The following SVEP1 variants were observed in gnomAD, a reference collection of about 807,000 sequenced individuals.
SVEP1 encodes the protein sushi, von Willebrand factor type A, EGF and pentraxin domain-containing protein 1.
In SVEP1, 164 loss-of-function variants were observed where a neutral mutation model predicts 367.3. That is an observed-to-expected ratio of 0.45 (90% CI 0.39 to 0.51). SVEP1 has a LOEUF of 0.51. Ranked by LOEUF, SVEP1 falls within the 20% of genes least tolerant of loss-of-function variation. The pLI is 0.00. For missense variants in SVEP1, 4,117 were observed against 4,425.3 expected (o/e 0.93, Z 1.98); for synonymous variants, 1,666 against 1,611.6 (o/e 1.03, Z -0.81).
At chr9:110,560,181 T>C (rs556218181) in intron 1 of SVEP1, among the ~76,000 whole-genome samples, 66 of 152,314 alleles carry the variant, frequency 4.3e-4, no homozygotes, top group Admixed American at 2.4e-3. Flanking sequence ...ACTGTTACAA[T>C]TGTCCACAGT....
At chr9:110,377,430 G>A in intron 44 of SVEP1, 64 bp from the exon 45 acceptor site, 1 of 1,476,014 alleles carries the variant, frequency 6.8e-7, no homozygotes, top group South Asian at 1.1e-5. Flanking sequence ...TCAGAAAATA[G>A]AATTGCCCCT....
At chr9:110,574,608 T>A (rs1830603126) in intron 1 of SVEP1, among the ~76,000 whole-genome samples, 1 of 152,188 alleles carries the variant, frequency 6.6e-6, no homozygotes, top group South Asian at 2.1e-4. Context: ...TTTCTAAATG[T>A]TGGTCATCTT....
intron 22 of SVEP1, among the ~76,000 whole-genome samples, chr9:110,453,547 A>T (rs1245819307): frequency 6.6e-6 from 1 of 152,120 alleles, no homozygotes; most frequent in Non-Finnish European, 1.5e-5. Context: ...ACTTGCCAGC[A>T]TGTGTTATTT....
At chr9:110,480,088 G>T (rs1829162184) in intron 12 of SVEP1, among the ~76,000 whole-genome samples, 1 of 152,084 alleles carries the variant, frequency 6.6e-6, no homozygotes, top group South Asian at 2.1e-4. Context: ...GAAAAATCCT[G>T]GCTGGCTCAA....
chr9:110,393,722 G>T (rs556824526), intron 40 of SVEP1, among the ~76,000 whole-genome samples: 1 of 152,218 alleles, frequency 6.6e-6, no homozygotes, highest in African/African-American at 2.4e-5. Flanking sequence ...CCCGCACCTG[G>T]CTCAGAGGGT....
chr9:110,426,758 C>T (rs961428222), intron 36 of SVEP1, among the ~76,000 whole-genome samples: 1 of 152,206 alleles, frequency 6.6e-6, no homozygotes, highest in African/African-American at 2.4e-5. Flanking sequence ...GAGTCTTTCC[C>T]TTCACTGTCC....
At chr9:110,474,085 C>T (rs1409880821) in intron 14 of SVEP1, among the ~76,000 whole-genome samples, 2 of 152,168 alleles carry the variant, frequency 1.3e-5, no homozygotes, top group Non-Finnish European at 2.9e-5. Context: ...ACTGCCACTT[C>T]CCCCTCCCGG....
chr9:110,558,333 C>A (rs1445937632), intron 1 of SVEP1, among the ~76,000 whole-genome samples: 576 of 88,168 alleles, frequency 6.5e-3, no homozygotes, highest in Non-Finnish European at 7.5e-3. Flanking sequence ...CCTGTCTCTA[C>A]AAAAAAAAAA....
At chr9:110,541,631 G>A (rs548824110) in intron 3 of SVEP1, among the ~76,000 whole-genome samples, 2 of 151,722 alleles carry the variant, frequency 1.3e-5, no homozygotes, top group South Asian at 2.1e-4. Flanking sequence ...AATAAAATCC[G>A]CCCCTGGTTG....
At chr9:110,459,428 A>T (rs1223570507) in intron 18 of SVEP1, among the ~76,000 whole-genome samples, 2 of 152,210 alleles carry the variant, frequency 1.3e-5, no homozygotes, top group Non-Finnish European at 2.9e-5. Context: ...GATTTTAATA[A>T]AATAAAAATG....
At chr9:110,389,383 G>T in intron 41 of SVEP1, 141 bp downstream of exon 41, 2 of 857,932 alleles carry the variant, frequency 2.3e-6, no homozygotes, top group Non-Finnish European at 3.5e-6. Flanking sequence ...TTGAGAAAAA[G>T]CCCATTAAAA....
At chr9:110,510,906 G>A (rs1257567645) in intron 5 of SVEP1, among the ~76,000 whole-genome samples, 2 of 152,334 alleles carry the variant, frequency 1.3e-5, no homozygotes, top group East Asian at 3.9e-4. Flanking sequence ...ACTTGAGGCT[G>A]CATGACTGAA....
chr9:110,548,056 A>C (rs1016690233), intron 2 of SVEP1, among the ~76,000 whole-genome samples: 6 of 152,160 alleles, frequency 3.9e-5, no homozygotes, highest in Admixed American at 1.3e-4. Context: ...AAATTTGTTG[A>C]TAGCACTCAT....
intron 5 of SVEP1, among the ~76,000 whole-genome samples, chr9:110,507,820 C>G (rs1383125162): frequency 6.6e-6 from 1 of 152,062 alleles, no homozygotes; most frequent in Non-Finnish European, 1.5e-5. Context: ...TTTGGAAAAC[C>G]ATATTAAACA....
In SVEP1 at chr9:110,407,406, C is replaced by G. The variant is rs768257669; in HGVS notation, c.8194G>C (p.Glu2732Gln). 6.2e-7 allele frequency: 1 copy of G among 1,614,040 alleles called. No homozygotes were observed. The highest frequency in any genetic ancestry group is 1.7e-5 in the Admixed American group (1 of 60,028). ...APENGFLRFT[E>Q]TSMGSAVQYS... Reference sequence around the variant, plus strand: ...TGCACAGCACTTCCCATGCTAGTCTCTGTAAAACGCAAAAAGCCATTTTCA... The same window carrying G: ...TGCACAGCACTTCCCATGCTAGTCTGTGTAAAACGCAAAAAGCCATTTTCA... The change falls in exon 38 of 48, where the codon GAG (glutamate) becomes CAG (glutamine). Residue 2732 changes from glutamate to glutamine, a missense_variant. Glu to Gln is a conservative substitution (Grantham distance 29). Around this residue, in one of 4 missense-constraint regions of SVEP1, gnomAD observed 1,765 missense variants for 1,781.1 expected, o/e 0.99. Transcript: ENST00000374469.
At chr9:110,438,136 C>T (rs17204881) in intron 27 of SVEP1, among the ~76,000 whole-genome samples, 22,346 of 145,512 alleles carry the variant, frequency 0.15, 2,238 homozygotes, top group East Asian at 0.43. Flanking sequence ...GTGAGACCAT[C>T]TTGAACGCGT....
rs372187022 is a variant in SVEP1, at chr9:110,451,369, C to T, written c.3821G>A (p.Ser1274Asn). Residue 1274 changes from serine (S) to asparagine (N), a missense_variant, in exon 23 of 48, where the codon AGC becomes AAC. Transcript: ENST00000374469. ...QRCEENINEC[S>N]SSPCLNKGIC... is the part of the protein sequence containing the mutation. Reference sequence around the variant, plus strand: ...TCCTTTATTTAAACAAGGACTGGAGCTACACTCATTTATATTTTCTTCACA... The same window carrying T: ...TCCTTTATTTAAACAAGGACTGGAGTTACACTCATTTATATTTTCTTCACA... 1.2e-5 allele frequency: 19 copies of T among 1,613,564 alleles called. No homozygotes were observed. The highest frequency in any genetic ancestry group is 8.0e-5 in the African/African-American group (6 of 74,918).
rs367732204 is a variant in SVEP1, at chr9:110,407,759, C to A, written c.7841G>T (p.Gly2614Val). ...TCCAAAATCTATATGAGGAGGGAGG[C>A]CACAGTCTATTGGCATACATGTTGG... Reference protein sequence around the residue: ...SIPTCMPIDCGLPPHIDFGDC... With the variant: ...SIPTCMPIDCVLPPHIDFGDC... Residue 2614 changes from glycine to valine, a missense_variant, in exon 38 of 48, where the codon GGC becomes GTC. By Grantham distance (109) the Gly-to-Val change is moderately radical (BLOSUM62 -3). This residue lies in a region of SVEP1 where 1,765 missense variants were observed against 1,781.1 expected (regional missense o/e 0.99). Transcript: ENST00000374469. 1 of 1,613,864 alleles carries A rather than the reference C, an allele frequency of 6.2e-7. No individual in the cohort carries two copies. Among genetic ancestry groups the A allele is most frequent in the African/African-American group, 1.3e-5 (1 of 74,914 alleles).
intron 18 of SVEP1, among the ~76,000 whole-genome samples, chr9:110,463,852 G>A (rs1445053072): frequency 1.3e-5 from 2 of 152,060 alleles, no homozygotes; most frequent in East Asian, 1.9e-4. Flanking sequence ...ATCCAGCACC[G>A]CAGAAGAATG....
Sources: allele counts gnomAD v4.1 joint callset (sites outside exome capture counted in the v4.1 genomes callset), GRCh38; gene constraint gnomAD v4.1.1; regional missense constraint gnomAD v4.1.1; transcripts MANE v1.5; gene names NCBI Gene and HGNC (gene_info 2026-07-23, HGNC 2026-07-21).